Variants in TWIST2 observed in about 807,000 individuals in gnomAD.
TWIST2 encodes the protein twist family bHLH transcription factor 2, also known as twist-related protein 2.
TWIST2 carries 1 observed loss-of-function variant against 11.6 expected under a neutral mutation model. The observed-to-expected ratio is 0.09, with a 90% CI of 0.03 to 0.41. The LOEUF (loss-of-function observed/expected upper bound fraction) is 0.41, where lower values mean the gene tolerates loss of function less well. TWIST2 is among the 10% of genes least tolerant of loss of function. The probability of loss-of-function intolerance (pLI) is 0.98; values close to 1 mark genes in which losing one functional copy is unlikely to be tolerated. For missense variants in TWIST2, 168 were observed against 226.4 expected (o/e 0.74, Z 1.66); for synonymous variants, 87 against 96.6 (o/e 0.90, Z 0.58).
intron 1 of TWIST2, among the ~76,000 whole-genome samples, chr2:238,897,154 G>A (rs977487207): frequency 3.3e-5 from 5 of 151,966 alleles, no homozygotes; most frequent in South Asian, 2.1e-4. Context: ...ATCCTCCAAC[G>A]CCCCCTTTGA....
Position 238,864,260 on chromosome 2 carries a change from C to T in TWIST2, c.*35+15527C>T, listed in dbSNP as rs182627680. ...TCTTCTCCACATTACACCCCAAGCA[C>T]GCGACTGTGAGCGGCGATCGGGGCC... On this transcript the variant is annotated intron_variant, in intron 1 of 1. Coordinates refer to ENST00000612363, the MANE Select transcript of TWIST2 (RefSeq NM_001271893.4). This position sits in a 1 kb window ranked among gnomAD's most constrained non-coding sequence, Gnocchi z 4.7. Among the ~76,000 whole-genome samples the T allele has an allele frequency of 2.6e-5, 4 of 152,316 alleles. No individual in the cohort carries two copies. Among genetic ancestry groups the T allele is most frequent in the East Asian group, 3.9e-4 (2 of 5,180 alleles).
intron 1 of TWIST2, among the ~76,000 whole-genome samples, chr2:238,862,407 CA>C (rs1454990629): frequency 6.6e-5 from 10 of 151,958 alleles, no homozygotes; most frequent in African/African-American, 9.7e-5. Context: ...CCCATATGGG[CA>C]AAAAATATGA....
At chr2:238,895,670 G>T (rs903777257) in intron 1 of TWIST2, among the ~76,000 whole-genome samples, 7 of 152,228 alleles carry the variant, frequency 4.6e-5, no homozygotes, top group Non-Finnish European at 1.5e-5. Flanking sequence ...AAACGGGAAG[G>T]TCTCGCAGAG....
chr2:238,858,233 G>T (rs2106351026), intron 1 of TWIST2, among the ~76,000 whole-genome samples: 1 of 152,234 alleles, frequency 6.6e-6, no homozygotes, highest in South Asian at 2.1e-4. Flanking sequence ...TCTCCTACTT[G>T]GTTCATCACA....
At chr2:238,868,582 A>G (rs1692586730) in intron 1 of TWIST2, among the ~76,000 whole-genome samples, 1 of 152,110 alleles carries the variant, frequency 6.6e-6, no homozygotes, top group Non-Finnish European at 1.5e-5. Flanking sequence ...CCTTCTTGAG[A>G]CAGAGATGGA....
At chr2:238,881,820 C>T (rs1411136415) in intron 1 of TWIST2, among the ~76,000 whole-genome samples, 2 of 152,128 alleles carry the variant, frequency 1.3e-5, no homozygotes, top group African/African-American at 4.8e-5. Flanking sequence ...GCCACTTGGC[C>T]TTTAGATGGG....
chr2:238,861,945 G>C lies in TWIST2; in HGVS notation c.*35+13212G>C, dbSNP rs144992797. ...AGGGTTCCGTACCATCCTTGGGATC[G>C]AGCATCCGCTGGGGGTCTTGGTGTG... On this transcript the variant is annotated intron_variant, in intron 1 of 1. Coordinates refer to ENST00000612363, the MANE Select transcript of TWIST2 (RefSeq NM_001271893.4). 3.9e-3 allele frequency among the ~76,000 whole-genome samples: 599 copies of C among 152,334 alleles called. 4 individuals carry two copies. The Middle Eastern group carries it at 0.044, about 11-fold the overall frequency.
intron 1 of TWIST2, among the ~76,000 whole-genome samples, chr2:238,850,863 TA>T (rs1692230225): frequency 6.6e-6 from 1 of 152,050 alleles, no homozygotes; most frequent in South Asian, 2.1e-4. Flanking sequence ...ATAGATACTC[TA>T]AAAGAAGAGA....
chr2:238,894,307 C>G (rs1423815832), intron 1 of TWIST2, among the ~76,000 whole-genome samples: 9 of 152,158 alleles, frequency 5.9e-5, no homozygotes, highest in African/African-American at 1.4e-4. Flanking sequence ...CTTGTTGCCC[C>G]CGAGATGACT....
chr2:238,870,895 CACATCCCTCCCACACA>C (rs1692677589), intron 1 of TWIST2, among the ~76,000 whole-genome samples: 1 of 42,476 alleles, frequency 2.4e-5, no homozygotes, highest in Admixed American at 2.2e-4. Flanking sequence ...ACATACACAC[CACATCCCTCCCACACA>C]CCACACACAC....
rs1441391050 is a variant in TWIST2 at position 238,909,826 on chromosome 2, C to G, written c.*36-16C>G. 6.6e-6 allele frequency: 1 copy of G among 152,270 alleles called. No homozygotes were observed. The highest frequency in any genetic ancestry group is 1.5e-5 in the Non-Finnish European group (1 of 68,066). 9.4% of individuals were successfully genotyped at this position (152,270 alleles called of 1,614,324 possible). On this transcript the variant is annotated splice_polypyrimidine_tract_variant and intron_variant, in intron 1 of 1. Transcript: ENST00000612363. ...GAGGCGGCCGTAGCTCACGGTCCCC[C>G]TTCCGTATCTTCCAGGCTGTCCGTC...
intron 1 of TWIST2, among the ~76,000 whole-genome samples, chr2:238,860,786 A>G (rs766753279): frequency 6.6e-6 from 1 of 152,124 alleles, no homozygotes; most frequent in Non-Finnish European, 1.5e-5. Flanking sequence ...AAAAATACAA[A>G]AATTAGCCGG....
chr2:238,905,878 T>C (rs1693335868), intron 1 of TWIST2, among the ~76,000 whole-genome samples: 1 of 147,234 alleles, frequency 6.8e-6, no homozygotes, highest in African/African-American at 2.6e-5. Flanking sequence ...TGCGTGTGTG[T>C]GCATGTGCGC....
intron 1 of TWIST2, among the ~76,000 whole-genome samples, chr2:238,909,102 G>GTGTGGT (rs1553572985): frequency 6.3e-4 from 13 of 20,636 alleles, no homozygotes; most frequent in South Asian, 3.1e-3. Flanking sequence ...TGGTATGTTT[G>GTGTGGT]GTGTGTGTGT....
chr2:238,885,846 G>T (rs796552517), intron 1 of TWIST2, among the ~76,000 whole-genome samples: 9 of 152,214 alleles, frequency 5.9e-5, no homozygotes, highest in African/African-American at 2.2e-4. Context: ...TTTGGGGCCT[G>T]GAGCTCACCA....
intron 1 of TWIST2, among the ~76,000 whole-genome samples, chr2:238,906,233 C>T (rs1693352670): frequency 6.6e-6 from 1 of 151,708 alleles, no homozygotes; most frequent in Non-Finnish European, 1.5e-5. Flanking sequence ...GGGACACACA[C>T]GGACCCACGC....
chr2:238,884,905 G>A (rs1279366191), intron 1 of TWIST2, among the ~76,000 whole-genome samples: 3 of 152,192 alleles, frequency 2.0e-5, no homozygotes, highest in Non-Finnish European at 1.5e-5. Flanking sequence ...CCACCAGTCT[G>A]CAGGTCACTC....
intron 1 of TWIST2, among the ~76,000 whole-genome samples, chr2:238,857,469 G>A (rs1034535435): frequency 6.6e-6 from 1 of 152,138 alleles, no homozygotes; most frequent in Non-Finnish European, 1.5e-5. Flanking sequence ...CACTTTGAAA[G>A]CCTTGGCTCA....
At chr2:238,870,816 A>G (rs1692673464) in intron 1 of TWIST2, among the ~76,000 whole-genome samples, 1 of 51,720 alleles carries the variant, frequency 1.9e-5, no homozygotes, top group African/African-American at 9.2e-5. Context: ...CACACACCAC[A>G]CACCCCACAC....
Sources: allele counts gnomAD v4.1 joint callset (sites outside exome capture counted in the v4.1 genomes callset), GRCh38; gene constraint gnomAD v4.1.1; non-coding constraint Gnocchi (gnomAD v3.1); transcripts MANE v1.5; gene names NCBI Gene and HGNC (gene_info 2026-07-23, HGNC 2026-07-21).